Variants in RERE observed in about 807,000 individuals in gnomAD.
The protein encoded by RERE is arginine-glutamic acid dipeptide repeats.
In RERE, 40 loss-of-function variants were observed where a neutral mutation model predicts 146.1. That is an observed-to-expected ratio of 0.27 (90% CI 0.21 to 0.36). The LOEUF is 0.36. RERE is among the 10% of genes least tolerant of loss of function. The pLI is 1.00. For missense variants in RERE, 1,933 were observed against 2,138.7 expected (o/e 0.90, Z 1.90); for synonymous variants, 1,003 against 866.0 (o/e 1.16, Z -2.78).
At chr1:8,574,470 G>A (rs376467211) in intron 4 of RERE, among the ~76,000 whole-genome samples, 2 of 145,042 alleles carry the variant, frequency 1.4e-5, no homozygotes, top group South Asian at 2.3e-4. Flanking sequence ...TCAGCCTCCC[G>A]AGTAGCTGGG....
chr1:8,367,339 G>A (rs769201402), intron 12 of RERE, among the ~76,000 whole-genome samples: 1 of 152,202 alleles, frequency 6.6e-6, no homozygotes, highest in Non-Finnish European at 1.5e-5. Context: ...GGGATGCCGT[G>A]CCTTGAGTAC....
At chr1:8,455,778 C>A (rs2124089320) in intron 11 of RERE, among the ~76,000 whole-genome samples, 1 of 152,272 alleles carries the variant, frequency 6.6e-6, no homozygotes, top group Non-Finnish European at 1.5e-5. Flanking sequence ...TACAACCCTG[C>A]CCTCAAGACT....
chr1:8,655,625 G>C (rs1317075572), intron 2 of RERE, among the ~76,000 whole-genome samples: 3 of 152,108 alleles, frequency 2.0e-5, no homozygotes, highest in Non-Finnish European at 4.4e-5. Flanking sequence ...AATTCTGCAG[G>C]GTCACCACAG....
intron 7 of RERE, among the ~76,000 whole-genome samples, chr1:8,540,503 T>C (rs1053584301): frequency 1.3e-5 from 2 of 152,222 alleles, no homozygotes; most frequent in Non-Finnish European, 2.9e-5. Context: ...GCTAACATCC[T>C]GTTTTTAAAA....
At chr1:8,440,388 G>A (rs1427293551) in intron 11 of RERE, among the ~76,000 whole-genome samples, 2 of 145,784 alleles carry the variant, frequency 1.4e-5, no homozygotes, top group African/African-American at 2.6e-5. Context: ...TTAGGAGATC[G>A]AGACCATCCT....
chr1:8,757,830 T>A (rs1640671302), intron 1 of RERE, among the ~76,000 whole-genome samples: 1 of 151,950 alleles, frequency 6.6e-6, no homozygotes, highest in Non-Finnish European at 1.5e-5. Context: ...TAACAGCCAA[T>A]ACACAGAATC....
intron 2 of RERE, among the ~76,000 whole-genome samples, chr1:8,633,398 G>A (rs1483106562): frequency 1.3e-5 from 2 of 152,228 alleles, no homozygotes; most frequent in East Asian, 3.9e-4. Flanking sequence ...GTGCCAGCCT[G>A]GGGAACAAAG....
In RERE at chr1:8,633,438, C is replaced by T. The variant is rs558267172; in HGVS notation, c.326-9058G>A. ...ATCCTGTCTCTTAAACACGCACGTGCGCACGCACACACACAGACACACACA... is the reference window on the plus strand; with the variant it reads ...ATCCTGTCTCTTAAACACGCACGTGTGCACGCACACACACAGACACACACA... On this transcript the variant is annotated intron_variant, in intron 2 of 22. Coordinates refer to ENST00000400908, the MANE Select transcript of RERE (RefSeq NM_001042681.2). Among the ~76,000 whole-genome samples, 11 of 151,670 alleles carry T rather than the reference C, an allele frequency of 7.3e-5. No individual in the cohort carries two copies. In the South Asian group the frequency reaches 1.9e-3, roughly 26 times the overall value.
chr1:8,757,622 T>TAGTTG (rs111593871), intron 1 of RERE, among the ~76,000 whole-genome samples: 34,348 of 151,974 alleles, frequency 0.23, 4,010 homozygotes, highest in Admixed American at 0.26. Context: ...TAGAACATTG[T>TAGTTG]AGTTAAGAGA....
chr1:8,361,527 G>A (rs757612988), intron 17 of RERE, 37 bp from the exon 18 acceptor site: 1 of 1,603,280 alleles, frequency 6.2e-7, no homozygotes, highest in Middle Eastern at 1.7e-4. Flanking sequence ...AGTCCCAGGA[G>A]GGCAGAGCCC....
intron 11 of RERE, among the ~76,000 whole-genome samples, chr1:8,450,538 C>T (rs1464266111): frequency 6.6e-6 from 1 of 152,170 alleles, no homozygotes; most frequent in Non-Finnish European, 1.5e-5. Context: ...CAACTGATGC[C>T]TCGCACGACG....
chr1:8,780,230 G>A (rs982645646), intron 1 of RERE, among the ~76,000 whole-genome samples: 6 of 152,206 alleles, frequency 3.9e-5, no homozygotes, highest in Non-Finnish European at 8.8e-5. Context: ...ACCCTCGTAT[G>A]TATTATTTCC....
At position 8,422,821 on chromosome 1, in the gene RERE, A is replaced by C; in HGVS notation, c.1204-14T>G. Reference sequence around the variant, plus strand: ...AACGAAGCGTTTCTGTGATAAAAAGAAACAAATGGGATGTAAAAACCAAAA... The same window carrying C: ...AACGAAGCGTTTCTGTGATAAAAAGCAACAAATGGGATGTAAAAACCAAAA... On this transcript the variant is annotated splice_polypyrimidine_tract_variant and intron_variant, in intron 11 of 22. Coordinates refer to ENST00000400908, the MANE Select transcript of RERE (RefSeq NM_001042681.2). 6.2e-7 allele frequency: 1 copy of C among 1,604,226 alleles called. No homozygotes were observed. Among genetic ancestry groups the C allele is most frequent in the African/African-American group, 1.3e-5 (1 of 74,830 alleles).
intron 8 of RERE, 105 bp downstream of exon 8, chr1:8,508,522 C>A: frequency 1.2e-6 from 1 of 864,148 alleles, no homozygotes; most frequent in East Asian, 2.5e-5. Context: ...TAAAAAATTC[C>A]CGATAGCAAT....
chr1:8,613,404 C>T (rs1646814593), intron 4 of RERE, among the ~76,000 whole-genome samples: 1 of 152,134 alleles, frequency 6.6e-6, no homozygotes, highest in South Asian at 2.1e-4. Flanking sequence ...TCACTGCCTG[C>T]GTTGCTTATA....
intron 7 of RERE, among the ~76,000 whole-genome samples, chr1:8,536,519 C>T (rs1645729635): frequency 6.6e-6 from 1 of 152,178 alleles, no homozygotes; most frequent in South Asian, 2.1e-4. Context: ...TTTAGTTTAA[C>T]CACCGACGCT....
chr1:8,599,981 T>C (rs1027127910), intron 4 of RERE, among the ~76,000 whole-genome samples: 2 of 152,132 alleles, frequency 1.3e-5, no homozygotes, highest in African/African-American at 4.8e-5. Flanking sequence ...AAATCTGACT[T>C]TGAACTGTAA....
intron 1 of RERE, among the ~76,000 whole-genome samples, chr1:8,745,137 C>T (rs971293406): frequency 5.3e-5 from 8 of 152,136 alleles, no homozygotes; most frequent in Admixed American, 4.6e-4. Context: ...TAGGGAGAGG[C>T]CTGGCAGGAG....
At chr1:8,695,648 C>T (rs1570619476) in intron 1 of RERE, among the ~76,000 whole-genome samples, 2 of 146,392 alleles carry the variant, frequency 1.4e-5, no homozygotes, top group South Asian at 4.4e-4. Flanking sequence ...GTAATCCCAG[C>T]TACTTGGGAG....
Sources: allele counts gnomAD v4.1 joint callset (sites outside exome capture counted in the v4.1 genomes callset), GRCh38; gene constraint gnomAD v4.1.1; transcripts MANE v1.5; gene names NCBI Gene and HGNC (gene_info 2026-07-23, HGNC 2026-07-21).